Variants in CXADR observed in about 807,000 individuals in gnomAD.
CXADR encodes CXADR cell adhesion molecule, also known as coxsackievirus and adenovirus receptor.
In CXADR, 20 loss-of-function variants were observed where a neutral mutation model predicts 40.3. The ratio of observed to expected loss-of-function variants is 0.50; its 90% CI spans 0.35 to 0.72. The LOEUF (loss-of-function observed/expected upper bound fraction) is 0.72, where lower values mean the gene tolerates loss of function less well. CXADR is among the 30% of genes least tolerant of loss of function. The pLI is 0.01. For synonymous variants in CXADR, 150 were observed against 161.3 expected (o/e 0.93, Z 0.53); for missense variants, 332 against 449.1 (o/e 0.74, Z 2.36).
intron 1 of CXADR, chr21:17,542,934 A>G: frequency 4.5e-6 from 1 of 222,570 alleles, no homozygotes. Context: ...CAGCACTTGA[A>G]AAACTATTCC....
the CXADR span, chr21:17,609,228 T>TC: frequency 2.2e-6 from 3 of 1,373,126 alleles, no homozygotes; most frequent in South Asian, 4.2e-5. Context: ...AAGATATACC[T>TC]CCTTTACAGC....
chr21:17,581,658 A>G (rs1427328375), intron 7 of CXADR, among the ~76,000 whole-genome samples: 1 of 151,588 alleles, frequency 6.6e-6, no homozygotes, highest in African/African-American at 2.4e-5. Context: ...AGCCAGGGCC[A>G]ACATAGTTGA....
At chr21:17,575,643 A>G (rs111323834) in intron 7 of CXADR, among the ~76,000 whole-genome samples, 8,080 of 151,530 alleles carry the variant, frequency 0.053, 721 homozygotes, top group African/African-American at 0.19. Flanking sequence ...GGTGTCCACT[A>G]CCAAGCCCAG....
the CXADR span, among the ~76,000 whole-genome samples, chr21:17,628,025 T>G: frequency 6.6e-6 from 1 of 152,220 alleles, no homozygotes; most frequent in East Asian, 1.9e-4. Flanking sequence ...ACTTTTCCTT[T>G]TCTCAAAGCC....
the CXADR span, among the ~76,000 whole-genome samples, chr21:17,616,861 C>A: frequency 6.6e-6 from 1 of 152,204 alleles, no homozygotes; most frequent in African/African-American, 2.4e-5. Context: ...AAATCTACTT[C>A]TCTTGCATTA....
intron 1 of CXADR, among the ~76,000 whole-genome samples, chr21:17,521,617 C>T (rs1336777293): frequency 1.3e-5 from 2 of 152,198 alleles, no homozygotes; most frequent in Non-Finnish European, 2.9e-5. Context: ...GCCACCGCAC[C>T]TGGCCAGGCT....
At chr21:17,584,931 C>T (rs1370219113) in intron 7 of CXADR, among the ~76,000 whole-genome samples, 4 of 152,186 alleles carry the variant, frequency 2.6e-5, no homozygotes, top group African/African-American at 7.2e-5. Context: ...TTTTCATTTT[C>T]AATCAGTATA....
chr21:17,578,198 A>G (rs142889527), intron 7 of CXADR, among the ~76,000 whole-genome samples: 4,842 of 152,286 alleles, frequency 0.032, 257 homozygotes, highest in African/African-American at 0.11. Context: ...AGGAATCTCC[A>G]TACTGTTTTC....
the CXADR span, among the ~76,000 whole-genome samples, chr21:17,623,795 C>T: frequency 6.6e-6 from 1 of 152,082 alleles, no homozygotes; most frequent in Non-Finnish European, 1.5e-5. Flanking sequence ...ACAATGACAC[C>T]CCTCTTTCCC....
At chr21:17,513,459 C>A (rs980304713) in intron 1 of CXADR, among the ~76,000 whole-genome samples, 2 of 152,184 alleles carry the variant, frequency 1.3e-5, no homozygotes, top group Non-Finnish European at 2.9e-5. Flanking sequence ...GGGTGCGCCT[C>A]GCAGCTCTCC....
intron 3 of CXADR, among the ~76,000 whole-genome samples, chr21:17,553,579 A>G (rs558612396): frequency 1.3e-5 from 2 of 151,444 alleles, no homozygotes; most frequent in East Asian, 1.9e-4. Flanking sequence ...TTATAAATGT[A>G]TAAGCAAGTG....
chr21:17,516,422 A>T (rs999203678), intron 1 of CXADR, among the ~76,000 whole-genome samples: 1 of 152,212 alleles, frequency 6.6e-6, no homozygotes, highest in Non-Finnish European at 1.5e-5. Flanking sequence ...CATAGTCTTA[A>T]TTGAATACTT....
At chr21:17,586,129 A>G (rs1482561665) in intron 7 of CXADR, among the ~76,000 whole-genome samples, 1 of 151,964 alleles carries the variant, frequency 6.6e-6, no homozygotes, top group South Asian at 2.1e-4. Flanking sequence ...TATGGTCTCA[A>G]TTTATAGTTC....
the CXADR span, among the ~76,000 whole-genome samples, chr21:17,616,463 G>C: frequency 6.6e-6 from 1 of 150,890 alleles, no homozygotes; most frequent in East Asian, 2.0e-4. Flanking sequence ...AGCCTCCTGA[G>C]TAGCTGGGAC....
At chr21:17,597,613 G>C (rs1348875739), downstream of CXADR, among the ~76,000 whole-genome samples, 1 of 151,834 alleles carries the variant, frequency 6.6e-6, no homozygotes, top group Non-Finnish European at 1.5e-5. Context: ...GTTTCATAAA[G>C]CCAGGTACAT....
intron 1 of CXADR, among the ~76,000 whole-genome samples, chr21:17,534,327 C>T (rs2060726048): frequency 6.6e-6 from 1 of 151,764 alleles, no homozygotes; most frequent in Admixed American, 6.6e-5. Context: ...GATGTCCTGA[C>T]CTTGTGATCT....
At chr21:17,599,474 G>A in the CXADR span, among the ~76,000 whole-genome samples, 1 of 110,822 alleles carries the variant, frequency 9.0e-6, no homozygotes, top group Non-Finnish European at 1.7e-5. Context: ...GCCACTGGCT[G>A]ATTTTTTTTT....
At chr21:17,616,017 G>A in the CXADR span, among the ~76,000 whole-genome samples, 5 of 152,156 alleles carry the variant, frequency 3.3e-5, no homozygotes, top group Admixed American at 2.6e-4. Context: ...TTGGGAGGCT[G>A]AGGCAGGTGG....
At chr21:17,625,285 G>A in the CXADR span, among the ~76,000 whole-genome samples, 1 of 151,672 alleles carries the variant, frequency 6.6e-6, no homozygotes, top group African/African-American at 2.4e-5. Flanking sequence ...CCTTGCTGAG[G>A]TCATTATAGC....
Sources: gnomAD v4.1 joint callset for allele counts (sites outside exome capture counted in the v4.1 genomes callset) on GRCh38, gnomAD v4.1.1 for gene constraint, MANE v1.5 for transcripts, NCBI Gene and HGNC (gene_info 2026-07-23, HGNC 2026-07-21) for gene names.